Variants in ZFAND4 observed in about 807,000 individuals in gnomAD.
ZFAND4 encodes AN1-type zinc finger protein 4.
A neutral mutation model predicts 64.4 loss-of-function variants in ZFAND4; 43 were observed. That is an observed-to-expected ratio of 0.67 (90% CI 0.52 to 0.86). The LOEUF is 0.86. ZFAND4 is among the 40% of genes least tolerant of loss of function. ZFAND4 has a pLI of 0.00. For missense variants in ZFAND4, 929 were observed against 859.8 expected, an observed-to-expected ratio of 1.08 and a Z score of -1.01; for synonymous variants, 296 against 305.7, an observed-to-expected ratio of 0.97 and a Z score of 0.33.
intron 4 of ZFAND4, 101 bp from the exon 5 acceptor site, chr10:45,648,635 G>C: frequency 7.9e-7 from 1 of 1,263,644 alleles, no homozygotes; most frequent in Non-Finnish European, 1.1e-6. Flanking sequence ...CAACAGTCCT[G>C]TGCATATAAT....
chr10:45,665,400 G>A (rs1010248765), intron 1 of ZFAND4, among the ~76,000 whole-genome samples: 1 of 152,042 alleles, frequency 6.6e-6, no homozygotes, highest in African/African-American at 2.4e-5. Context: ...AATTAGCCAG[G>A]AATGGTGGCG....
At chr10:45,625,135 C>A (rs2045706105) in intron 7 of ZFAND4, among the ~76,000 whole-genome samples, 1 of 150,224 alleles carries the variant, frequency 6.7e-6, no homozygotes, top group Admixed American at 6.6e-5. Context: ...CATGATTATG[C>A]CACTGTGCTC....
chr10:45,620,557 A>G (rs1440685726), intron 8 of ZFAND4, among the ~76,000 whole-genome samples: 3 of 152,212 alleles, frequency 2.0e-5, no homozygotes, highest in African/African-American at 7.2e-5. Context: ...GCACAAAAAT[A>G]TAAGTGCAGT....
chr10:45,671,380 C>T (rs2133894820), intron 1 of ZFAND4, among the ~76,000 whole-genome samples: 1 of 152,310 alleles, frequency 6.6e-6, no homozygotes, highest in African/African-American at 2.4e-5. Context: ...CACATGCACA[C>T]GTATGTTTAC....
At position 45,618,143 on chromosome 10, in the gene ZFAND4, C is replaced by T. The variant is rs764584601; in HGVS notation, c.2045G>A (p.Cys682Tyr). The T allele has an allele frequency of 6.2e-7, 1 of 1,607,326 alleles. No homozygotes were observed. Among genetic ancestry groups the T allele is most frequent in the Non-Finnish European group, 8.5e-7 (1 of 1,178,332 alleles). The stretch of plus-strand genomic sequence containing the variant: ...CTTCTCCAGCTCGCCAACCTGCCTG[C>T]ATTCGTAGCTACTAGCCAGTCCTGT... The part of the protein sequence containing the change: ...KKTGLASSYE[C>Y]RCGNNFCASH... Residue 682 changes from cysteine (C) to tyrosine (Y), a missense_variant, in exon 9 of 10, where the codon TGC becomes TAC. By Grantham distance (194) the Cys-to-Tyr change is radical. Transcript: ENST00000344646.
At chr10:45,663,415 G>A (rs1727089857) in intron 2 of ZFAND4, 127 bp downstream of exon 2, 3 of 676,452 alleles carry the variant, frequency 4.4e-6, no homozygotes, top group Non-Finnish European at 7.1e-6. Flanking sequence ...GTAGGAGGGG[G>A]TTCATTATCT....
At chr10:45,654,368 T>C (rs931183071) in intron 2 of ZFAND4, among the ~76,000 whole-genome samples, 1 of 152,070 alleles carries the variant, frequency 6.6e-6, no homozygotes, top group Non-Finnish European at 1.5e-5. Context: ...TGCCTGTAAT[T>C]CCAGCACTTT....
chr10:45,664,646 C>T (rs1047423119), intron 1 of ZFAND4, among the ~76,000 whole-genome samples: 2 of 150,192 alleles, frequency 1.3e-5, no homozygotes, highest in African/African-American at 4.9e-5. Context: ...ACTCACTAGG[C>T]TGGGGGCTGT....
intron 5 of ZFAND4, among the ~76,000 whole-genome samples, chr10:45,646,648 A>G (rs1221857856): frequency 6.6e-6 from 1 of 152,174 alleles, no homozygotes; most frequent in African/African-American, 2.4e-5. Context: ...CTAAAAACAC[A>G]GCATAATGAG....
At chr10:45,643,669 C>CAAAAA (rs755281191) in intron 5 of ZFAND4, among the ~76,000 whole-genome samples, 5 of 56,010 alleles carry the variant, frequency 8.9e-5, no homozygotes, top group African/African-American at 1.2e-4. Context: ...GACTCCATCT[C>CAAAAA]AAAAAAAAAA....
intron 6 of ZFAND4, among the ~76,000 whole-genome samples, chr10:45,634,013 G>A (rs182952165): frequency 1.3e-5 from 2 of 152,222 alleles, no homozygotes; most frequent in Admixed American, 1.3e-4. Context: ...GAATATAGAT[G>A]ACATAATGTG....
At position 45,626,660 on chromosome 10, in the gene ZFAND4, C is replaced by G; in HGVS notation, c.1163G>C (p.Cys388Ser). The stretch of plus-strand genomic sequence containing the variant: ...AGGTAGAAGTGATTGTTCGGTTACA[C>G]ATTCTTCTGAAGGTAAGACAATGTT... ...NGNIVLPSEE[C>S]VTEQSLLPKV... Residue 388 changes from cysteine to serine, a missense_variant, in exon 7 of 10, where the codon TGT becomes TCT. Physicochemically the swap from Cys to Ser is moderately radical, Grantham distance 112. Transcript: ENST00000344646. The G allele has an allele frequency of 6.2e-7, 1 of 1,614,222 alleles. No homozygotes were observed. Among genetic ancestry groups the G allele is most frequent in the African/African-American group, 1.3e-5 (1 of 75,042 alleles).
At chr10:45,645,641 T>C (rs1366836474) in intron 5 of ZFAND4, among the ~76,000 whole-genome samples, 3 of 152,228 alleles carry the variant, frequency 2.0e-5, no homozygotes, top group Non-Finnish European at 1.5e-5. Flanking sequence ...AATAATGTCA[T>C]GTTAACAACA....
intron 4 of ZFAND4, chr10:45,651,403 T>C: frequency 2.9e-6 from 1 of 347,326 alleles, no homozygotes; most frequent in Non-Finnish European, 5.9e-6. Context: ...AGCAGAGACT[T>C]TCTCTCCCAT....
At chr10:45,646,164 A>G (rs2047365825) in intron 5 of ZFAND4, among the ~76,000 whole-genome samples, 1 of 152,236 alleles carries the variant, frequency 6.6e-6, no homozygotes, top group Non-Finnish European at 1.5e-5. Flanking sequence ...TGGTACAAAC[A>G]GAAGAAAAGT....
chr10:45,635,206 AAAAAAAAC>A (rs2046487103), intron 6 of ZFAND4, among the ~76,000 whole-genome samples: 5 of 144,952 alleles, frequency 3.4e-5, no homozygotes, highest in African/African-American at 1.3e-4. Flanking sequence ...AAAAAAAAAA[AAAAAAAAC>A]AAAAAAAAAA....
chr10:45,639,070 T>G (rs2046818189), intron 6 of ZFAND4, among the ~76,000 whole-genome samples: 1 of 152,152 alleles, frequency 6.6e-6, no homozygotes, highest in Non-Finnish European at 1.5e-5. Context: ...TATTAAAGAT[T>G]TTTGAATTTT....
At chr10:45,649,773 G>A (rs1282256748) in intron 4 of ZFAND4, 7 of 152,112 alleles carry the variant, frequency 4.6e-5, no homozygotes, top group African/African-American at 1.7e-4. Flanking sequence ...TACATCAAGA[G>A]ATAAAAATTT....
chr10:45,645,146 T>A (rs1044442157), intron 5 of ZFAND4, among the ~76,000 whole-genome samples: 1 of 152,044 alleles, frequency 6.6e-6, no homozygotes, highest in Admixed American at 6.6e-5. Flanking sequence ...CAGGCCCAGC[T>A]AATTTTTTTC....
Sources: allele counts gnomAD v4.1 joint callset (sites outside exome capture counted in the v4.1 genomes callset), GRCh38; gene constraint gnomAD v4.1.1; transcripts MANE v1.5; gene names NCBI Gene and HGNC (gene_info 2026-07-23, HGNC 2026-07-21).